Variants in PARN observed in about 807,000 individuals in gnomAD.
The protein encoded by PARN is poly(A)-specific ribonuclease.
In PARN, 71 loss-of-function variants were observed where a neutral mutation model predicts 102.8. The ratio of observed to expected loss-of-function variants is 0.69; its 90% CI spans 0.57 to 0.84. The LOEUF is 0.84. PARN is among the 40% of genes least tolerant of loss of function. The pLI, the probability that PARN is intolerant of heterozygous loss-of-function variation, is 0.00. For synonymous variants in PARN, 261 were observed against 252.9 expected (o/e 1.03, Z -0.30); for missense variants, 782 against 760.9 (o/e 1.03, Z -0.33).
At chr16:14,590,183 C>T (rs973368277) in intron 13 of PARN, among the ~76,000 whole-genome samples, 2 of 136,286 alleles carry the variant, frequency 1.5e-5, no homozygotes, top group African/African-American at 5.6e-5. Context: ...CACAGGAGGC[C>T]GAGATCGCAC....
At chr16:14,561,419 ATATTCAATGTGGTGT>A (rs1311023594) in intron 18 of PARN, among the ~76,000 whole-genome samples, 1 of 152,222 alleles carries the variant, frequency 6.6e-6, no homozygotes, top group African/African-American at 2.4e-5. Context: ...GGAAAACAGT[ATATTCAATGTGGTGT>A]TGTTAATTAC....
chr16:14,587,620 C>T (rs1969940325), intron 13 of PARN, among the ~76,000 whole-genome samples: 1 of 152,194 alleles, frequency 6.6e-6, no homozygotes, highest in East Asian at 1.9e-4. Flanking sequence ...AGGTATGCAC[C>T]ACCACACCCA....
At chr16:14,594,548 C>G (rs944315533) in intron 12 of PARN, among the ~76,000 whole-genome samples, 1 of 152,098 alleles carries the variant, frequency 6.6e-6, no homozygotes, top group Non-Finnish European at 1.5e-5. Flanking sequence ...AATCCTGTAT[C>G]TACTAAAAAC....
chr16:14,571,767 C>G (rs1353751535), intron 18 of PARN, among the ~76,000 whole-genome samples: 1 of 152,160 alleles, frequency 6.6e-6, no homozygotes, highest in African/African-American at 2.4e-5. Context: ...CCCTATCAAA[C>G]AGGTTCTAAT....
chr16:14,577,704 G>A (rs1228307651), intron 18 of PARN, among the ~76,000 whole-genome samples: 1 of 151,938 alleles, frequency 6.6e-6, no homozygotes, highest in African/African-American at 2.4e-5. Flanking sequence ...TCTCACTCTT[G>A]TTGCCCAGGC....
intron 21 of PARN, among the ~76,000 whole-genome samples, chr16:14,534,686 G>T (rs1025817010): frequency 2.0e-5 from 3 of 152,108 alleles, no homozygotes; most frequent in Non-Finnish European, 4.4e-5. Context: ...TACATAGGAG[G>T]AGTAGCAGCT....
chr16:14,462,530 C>T (rs1468028064), intron 22 of PARN, among the ~76,000 whole-genome samples: 1 of 152,084 alleles, frequency 6.6e-6, no homozygotes, highest in Non-Finnish European at 1.5e-5. Context: ...TCTGTAACAG[C>T]CCACAGGGAG....
chr16:14,582,134 C>T (rs1461682451), intron 17 of PARN, 47 bp downstream of exon 17: 1 of 1,162,790 alleles, frequency 8.6e-7, no homozygotes, highest in South Asian at 1.2e-5. Flanking sequence ...CAGGTAAGAT[C>T]CACCCTAGAT....
intron 21 of PARN, among the ~76,000 whole-genome samples, chr16:14,501,925 G>A (rs1964640688): frequency 6.6e-6 from 1 of 152,186 alleles, no homozygotes; most frequent in African/African-American, 2.4e-5. Flanking sequence ...AAGAGCACAG[G>A]CACACCTTGC....
In PARN at chr16:14,436,723, T is replaced by A; in HGVS notation, c.1914A>T (p.Thr638=). 1 of 1,600,790 alleles carries A rather than the reference T, an allele frequency of 6.2e-7. No individual in the cohort carries two copies. Among genetic ancestry groups the A allele is most frequent in the Non-Finnish European group, 8.5e-7 (1 of 1,173,608 alleles). Residue 638 remains threonine, a synonymous_variant, in exon 24 of 24, where the codon ACA becomes ACT. Coordinates refer to ENST00000437198, the MANE Select transcript of PARN (RefSeq NM_002582.4). ...TGCTGCCCTCAGGTCTTGGTTACCA[T>A]GTGTCAGGAACTTCAAAGAGTGTGG... ...SPATLFEVPD[T]W
Position 14,630,160 on chromosome 16 carries a change from G to C in PARN, c.-35C>G, listed in dbSNP as rs1343314585. On this transcript the variant is annotated 5_prime_UTR_variant, in exon 1 of 24. Coordinates refer to ENST00000437198, the MANE Select transcript of PARN (RefSeq NM_002582.4). ...TGGCCGGAACCTTGGCCCCACCCGG[G>C]CCCGCGCCCGCCTCAGCGGTTCTAC... 17 of 1,543,356 alleles carry C rather than the reference G, an allele frequency of 1.1e-5. No individual in the cohort carries two copies. Among genetic ancestry groups the C allele is most frequent in the Non-Finnish European group, 1.5e-5 (17 of 1,140,514 alleles).
At chr16:14,436,949 G>A (rs376741320) in intron 23 of PARN, among the ~76,000 whole-genome samples, 177 bp from the exon 24 acceptor site, 33 of 152,322 alleles carry the variant, frequency 2.2e-4, no homozygotes, top group African/African-American at 7.0e-4. Flanking sequence ...GGAGGGCAGT[G>A]CCCAGCATGG....
Position 14,599,930 on chromosome 16 carries a change from T to C in PARN, c.814A>G (p.Arg272Gly), listed in dbSNP as rs1427782065. 1.2e-6 allele frequency: 2 copies of C among 1,603,546 alleles called. No homozygotes were observed. Among genetic ancestry groups the C allele is most frequent in the East Asian group, 4.5e-5 (2 of 44,586 alleles). ...EELNDAVGFS[R>G]VIHAIANSGK... ...GAATTAGCAATGGCGTGAATGACTC[T>C]AGAAAATCCCACAGCATCATTCAGC... The change falls in exon 12 of 24, where the codon AGA becomes GGA. Residue 272 changes from arginine (R) to glycine (G), a missense_variant. Transcript: ENST00000437198.
At chr16:14,452,959 T>A (rs761045504) in intron 22 of PARN, among the ~76,000 whole-genome samples, 1 of 152,190 alleles carries the variant, frequency 6.6e-6, no homozygotes, top group Non-Finnish European at 1.5e-5. Context: ...GGTACTGCTG[T>A]GCATGTGTGT....
At chr16:14,519,383 C>A (rs1407797635) in intron 21 of PARN, among the ~76,000 whole-genome samples, 1 of 150,396 alleles carries the variant, frequency 6.6e-6, no homozygotes, top group Non-Finnish European at 1.5e-5. Flanking sequence ...ATTTTCTGAG[C>A]TCTGTCTGTT....
intron 9 of PARN, chr16:14,608,021 G>T: frequency 2.1e-6 from 1 of 476,142 alleles, no homozygotes; most frequent in Non-Finnish European, 3.7e-6. Context: ...ATACCCCAAA[G>T]GACAAAAACA....
rs1972796818 is a variant in PARN at position 14,628,204 on chromosome 16, T to C, written c.145A>G (p.Thr49Ala). ...SVSALTNGFD[T>A]PEERYQKLKK... ...AGCTTCTGATACCTCTCTTCTGGAG[T>C]GTCAAAACCATTTGTTAATGCAGAG... is the stretch of plus-strand genomic sequence containing the variant. Residue 49 changes from threonine to alanine, a missense_variant, in exon 3 of 24, where the codon ACT becomes GCT. Thr to Ala is a moderately conservative substitution (Grantham distance 58). Transcript: ENST00000437198. 1.9e-6 allele frequency: 3 copies of C among 1,606,794 alleles called. No homozygotes were observed. The highest frequency in any genetic ancestry group is 2.2e-5 in the East Asian group (1 of 44,818).
chr16:14,509,636 C>T (rs1385428587), intron 21 of PARN, among the ~76,000 whole-genome samples: 1 of 152,140 alleles, frequency 6.6e-6, no homozygotes, highest in African/African-American at 2.4e-5. Context: ...CAATATTAAA[C>T]TCTAACAGTT....
In PARN at chr16:14,545,386, AC is replaced by A. The variant is rs1163171675; in HGVS notation, c.1480+6634del. Among the ~76,000 whole-genome samples, 4 of 152,326 alleles carry A rather than the reference AC, an allele frequency of 2.6e-5. No individual in the cohort carries two copies. The East Asian group carries it at 5.8e-4, about 22-fold the overall frequency. Reference sequence around the variant, plus strand: ...TTATAAATTAGTAACAAGAAATCTAACGAAATCCTAAGCATTTGGAAATGAA... The same window carrying A: ...TTATAAATTAGTAACAAGAAATCTAAGAAATCCTAAGCATTTGGAAATGAA... On this transcript the variant is annotated intron_variant, in intron 21 of 23. Transcript: ENST00000437198.
Sources: allele counts gnomAD v4.1 joint callset (sites outside exome capture counted in the v4.1 genomes callset), GRCh38; gene constraint gnomAD v4.1.1; transcripts MANE v1.5; gene names NCBI Gene and HGNC (gene_info 2026-07-23, HGNC 2026-07-21).